SGCZ: variants seen among roughly 807,000 people sequenced by gnomAD.
SGCZ encodes zeta-sarcoglycan.
Under a neutral mutation model 41.3 loss-of-function variants are expected in SGCZ, and 40 were observed. The ratio of observed to expected loss-of-function variants is 0.97; its 90% CI spans 0.75 to 1.26. The LOEUF (loss-of-function observed/expected upper bound fraction) is 1.26, where lower values mean the gene tolerates loss of function less well. Among genes scored for constraint, SGCZ ranks in the 50% most tolerant of loss-of-function variants. The pLI is 0.00. For missense variants in SGCZ, 552 were observed against 369.8 expected, an observed-to-expected ratio of 1.49 and a Z score of -4.04; for synonymous variants, 206 against 137.5, an observed-to-expected ratio of 1.50 and a Z score of -3.49.
chr8:14,388,778 T>G (rs1177655533), intron 2 of SGCZ, among the ~76,000 whole-genome samples: 3 of 151,176 alleles, frequency 2.0e-5, no homozygotes, highest in Non-Finnish European at 4.4e-5. Context: ...AAGTTTACTA[T>G]GTAAAAAACC....
intron 2 of SGCZ, among the ~76,000 whole-genome samples, chr8:14,495,259 C>A (rs1801957376): frequency 6.6e-6 from 1 of 152,176 alleles, no homozygotes; most frequent in African/African-American, 2.4e-5. Context: ...ATGTTTGTAA[C>A]CAGTTCACAA....
chr8:15,097,840 G>A (rs1436049555), intron 1 of SGCZ, among the ~76,000 whole-genome samples: 1 of 29,606 alleles, frequency 3.4e-5, no homozygotes, highest in East Asian at 1.2e-3. Flanking sequence ...ATATACGTGT[G>A]TGTATATATA....
chr8:14,551,479 ATT>A (rs1563404194), intron 2 of SGCZ, among the ~76,000 whole-genome samples: 1 of 6,316 alleles, frequency 1.6e-4, no homozygotes, highest in Non-Finnish European at 2.8e-4. Flanking sequence ...TATATTATAT[ATT>A]ATATATATTA....
intron 1 of SGCZ, among the ~76,000 whole-genome samples, chr8:15,221,014 C>T (rs374065420): frequency 3.3e-4 from 50 of 151,932 alleles, no homozygotes; most frequent in East Asian, 9.7e-4. Flanking sequence ...GGCCGGTCGT[C>T]GGGTAGGGTA....
intron 1 of SGCZ, among the ~76,000 whole-genome samples, chr8:14,604,081 T>C (rs1805673284): frequency 6.6e-6 from 1 of 152,126 alleles, no homozygotes; most frequent in African/African-American, 2.4e-5. Context: ...TTATCTATTG[T>C]GACTGTTTAT....
chr8:15,235,581 T>G (rs148057437), intron 1 of SGCZ, among the ~76,000 whole-genome samples: 1 of 152,292 alleles, frequency 6.6e-6, no homozygotes, highest in African/African-American at 2.4e-5. Flanking sequence ...CTCTGGATTA[T>G]CTGTGCAGGA....
intron 6 of SGCZ, among the ~76,000 whole-genome samples, chr8:14,103,955 T>G (rs1380529916): frequency 6.6e-6 from 1 of 152,146 alleles, no homozygotes; most frequent in African/African-American, 2.4e-5. Context: ...TACACAACCC[T>G]TCTAGAACTA....
intron 1 of SGCZ, among the ~76,000 whole-genome samples, chr8:14,918,072 A>C (rs778842845): frequency 3.9e-5 from 6 of 152,176 alleles, no homozygotes; most frequent in Admixed American, 2.0e-4. Flanking sequence ...ACTTCTGTTA[A>C]AAATGATTGC....
chr8:14,169,041 T>G, intron 4 of SGCZ, among the ~76,000 whole-genome samples: 1 of 152,014 alleles, frequency 6.6e-6, no homozygotes, highest in Admixed American at 6.6e-5. Context: ...CACTCTAGAG[T>G]TAGGATTCAA....
At chr8:14,556,692 G>C (rs921004047) in intron 1 of SGCZ, among the ~76,000 whole-genome samples, 1 of 151,944 alleles carries the variant, frequency 6.6e-6, no homozygotes, top group Non-Finnish European at 1.5e-5. Context: ...TGGAATGTTT[G>C]GTTTTCCATT....
chr8:14,498,029 T>C (rs1382826911), intron 2 of SGCZ, among the ~76,000 whole-genome samples: 1 of 152,198 alleles, frequency 6.6e-6, no homozygotes, highest in Non-Finnish European at 1.5e-5. Flanking sequence ...AAGATACATA[T>C]CACATTTTAT....
chr8:14,502,986 A>G (rs1802199504), intron 2 of SGCZ, among the ~76,000 whole-genome samples: 1 of 152,228 alleles, frequency 6.6e-6, no homozygotes, highest in Non-Finnish European at 1.5e-5. Context: ...CTATAAAGAC[A>G]CATGCACATG....
chr8:14,145,290 A>G (rs1426618706), intron 5 of SGCZ, among the ~76,000 whole-genome samples: 6 of 152,198 alleles, frequency 3.9e-5, no homozygotes, highest in Admixed American at 2.0e-4. Context: ...GGTAATCCAG[A>G]GAATTCTCTC....
At chr8:14,160,025 C>T (rs1194432023) in intron 5 of SGCZ, among the ~76,000 whole-genome samples, 2 of 152,154 alleles carry the variant, frequency 1.3e-5, no homozygotes, top group African/African-American at 4.8e-5. Flanking sequence ...ATAGTCTTGG[C>T]TTTCAAACAA....
At chr8:14,584,139 A>G (rs1053693601) in intron 1 of SGCZ, among the ~76,000 whole-genome samples, 2 of 152,160 alleles carry the variant, frequency 1.3e-5, no homozygotes, top group Admixed American at 6.6e-5. Context: ...GCTACAAACC[A>G]CATAGATTTA....
At chr8:14,971,329 G>A (rs773942121) in intron 1 of SGCZ, among the ~76,000 whole-genome samples, 1 of 152,036 alleles carries the variant, frequency 6.6e-6, no homozygotes, top group Non-Finnish European at 1.5e-5. Context: ...TAATAGGAGC[G>A]AATATCCTTG....
chr8:14,822,227 A>G (rs984091872), intron 1 of SGCZ, among the ~76,000 whole-genome samples: 1 of 152,122 alleles, frequency 6.6e-6, no homozygotes, highest in African/African-American at 2.4e-5. Flanking sequence ...CAACAAAACA[A>G]TTTCATTTCT....
chr8:14,121,466 T>G (rs180892815), intron 5 of SGCZ, among the ~76,000 whole-genome samples: 1 of 152,258 alleles, frequency 6.6e-6, no homozygotes, highest in Admixed American at 6.5e-5. Context: ...CCCGTTTAAT[T>G]AATTGTTTTT....
At chr8:14,543,030 C>T (rs546192613) in intron 2 of SGCZ, among the ~76,000 whole-genome samples, 10 of 152,030 alleles carry the variant, frequency 6.6e-5, no homozygotes, top group Admixed American at 3.3e-4. Context: ...TGAGCTATTA[C>T]ACTCTGTGTT....
Sources: gnomAD v4.1 joint callset for allele counts (sites outside exome capture counted in the v4.1 genomes callset) on GRCh38, gnomAD v4.1.1 for gene constraint, MANE v1.5 for transcripts, NCBI Gene and HGNC (gene_info 2026-07-23, HGNC 2026-07-21) for gene names.